The following CEP128 variants were observed in gnomAD, a reference collection of about 807,000 sequenced individuals.
The protein encoded by CEP128 is centrosomal protein 128.
In CEP128, 132 loss-of-function variants were observed where a neutral mutation model predicts 156.7. That is an observed-to-expected ratio of 0.84 (90% CI 0.73 to 0.97). CEP128 has a LOEUF of 0.97. CEP128 is among the 50% of genes least tolerant of loss of function. The pLI is 0.00. For missense variants in CEP128, 1,252 were observed against 1,281.9 expected (o/e 0.98, Z 0.36); for synonymous variants, 469 against 448.9 (o/e 1.04, Z -0.57).
At chr14:80,843,118 A>C (rs2140091605) in intron 9 of CEP128, among the ~76,000 whole-genome samples, 1 of 152,164 alleles carries the variant, frequency 6.6e-6, no homozygotes, top group East Asian at 1.9e-4. Flanking sequence ...CCTCTCACTT[A>C]ACCATAAAAA....
intron 19 of CEP128, among the ~76,000 whole-genome samples, chr14:80,666,722 G>C (rs1291736450): frequency 2.6e-5 from 2 of 78,096 alleles, no homozygotes; most frequent in Non-Finnish European, 2.4e-5. Context: ...AAAAGAGAGA[G>C]ACAAAAAAAA....
chr14:80,657,312 T>C (rs1263671721), intron 19 of CEP128, among the ~76,000 whole-genome samples: 1 of 151,062 alleles, frequency 6.6e-6, no homozygotes, highest in African/African-American at 2.4e-5. Flanking sequence ...AAGGAAGTAA[T>C]CTATTTTGGC....
intron 18 of CEP128, among the ~76,000 whole-genome samples, chr14:80,746,497 T>G (rs1899108081): frequency 6.6e-6 from 1 of 152,120 alleles, no homozygotes; most frequent in South Asian, 2.1e-4. Context: ...AAAAGAATAG[T>G]CTTACCAACA....
chr14:80,835,841 AAGAC>A (rs1427534936), intron 12 of CEP128, among the ~76,000 whole-genome samples: 37 of 152,310 alleles, frequency 2.4e-4, no homozygotes, highest in Admixed American at 2.2e-3. Context: ...GAGAATGTGA[AAGAC>A]AGAGCAACAT....
At chr14:80,785,965 A>C (rs2139812283) in intron 14 of CEP128, among the ~76,000 whole-genome samples, 1 of 152,272 alleles carries the variant, frequency 6.6e-6, no homozygotes, top group South Asian at 2.1e-4. Context: ...AAAAGGAGAA[A>C]CCCCAAAACA....
rs148463981 is a variant in CEP128 at position 80,783,389 on chromosome 14, G to A, written c.2211+1506C>T. Among the ~76,000 whole-genome samples, 8 of 152,204 alleles carry A rather than the reference G, an allele frequency of 5.3e-5. No individual in the cohort carries two copies. The East Asian group carries it at 5.8e-4, about 11-fold the overall frequency. ...CCTACCACTCTCCTGCTGTAAGACC[G>A]TGGGCAAATTACTTAACCTTCTGTG... On this transcript the variant is annotated intron_variant, in intron 15 of 24. Transcript: ENST00000555265.
At chr14:80,766,729 GT>G (rs1409486672) in intron 16 of CEP128, among the ~76,000 whole-genome samples, 6 of 152,076 alleles carry the variant, frequency 3.9e-5, no homozygotes, top group Admixed American at 3.9e-4. Context: ...GTAATTAATG[GT>G]TTTCCTTCAC....
At chr14:80,806,196 A>C (rs1433923314) in intron 13 of CEP128, among the ~76,000 whole-genome samples, 5 of 152,160 alleles carry the variant, frequency 3.3e-5, no homozygotes. Context: ...AGTGATTAAA[A>C]ATAGTTATTT....
In CEP128 at chr14:80,720,235, G is replaced by A. The variant is rs1037338147; in HGVS notation, c.2806+22840C>T. ...GTCAGAACATAATGCTCAAGTTGAA[G>A]GGGGAGAATGGGTGAAGCTGGAGAA... On this transcript the variant is annotated intron_variant, in intron 19 of 24. Coordinates refer to ENST00000555265, the MANE Select transcript of CEP128 (RefSeq NM_152446.5). Among the ~76,000 whole-genome samples the A allele has an allele frequency of 2.0e-5, 3 of 152,114 alleles. No individual in the cohort carries two copies. In the East Asian group the frequency reaches 5.8e-4, roughly 29 times the overall value.
chr14:80,635,455 A>G (rs1432835674), intron 19 of CEP128, among the ~76,000 whole-genome samples: 2 of 152,232 alleles, frequency 1.3e-5, no homozygotes, highest in East Asian at 1.9e-4. Flanking sequence ...TTCTAGTGTC[A>G]TCCCAGAACT....
At chr14:80,726,985 T>C (rs1368139446) in intron 19 of CEP128, among the ~76,000 whole-genome samples, 1 of 152,072 alleles carries the variant, frequency 6.6e-6, no homozygotes, top group Admixed American at 6.6e-5. Context: ...AAATTGTTAA[T>C]GAAAAATAAA....
At chr14:80,528,956 C>T (rs997034784) in intron 22 of CEP128, among the ~76,000 whole-genome samples, 1 of 152,156 alleles carries the variant, frequency 6.6e-6, no homozygotes, top group Non-Finnish European at 1.5e-5. Context: ...TTTTTATTAA[C>T]TTGATTAAAA....
At chr14:80,660,923 T>C (rs1895374681) in intron 19 of CEP128, among the ~76,000 whole-genome samples, 3 of 152,186 alleles carry the variant, frequency 2.0e-5, no homozygotes, top group African/African-American at 7.2e-5. Flanking sequence ...CTCAATAGCA[T>C]TAGCCGAGTC....
chr14:80,531,808 T>G (rs984850779), intron 21 of CEP128, among the ~76,000 whole-genome samples: 6 of 152,156 alleles, frequency 3.9e-5, no homozygotes, highest in African/African-American at 1.4e-4. Flanking sequence ...CCCTCAATAT[T>G]CCATGTGCTT....
chr14:80,871,759 G>C (rs1176735282), intron 8 of CEP128, among the ~76,000 whole-genome samples: 1 of 151,946 alleles, frequency 6.6e-6, no homozygotes, highest in Non-Finnish European at 1.5e-5. Context: ...CTAAGTTTAA[G>C]ACTAGAATAC....
intron 19 of CEP128, among the ~76,000 whole-genome samples, chr14:80,603,259 A>G (rs914234598): frequency 6.6e-6 from 1 of 152,186 alleles, no homozygotes; most frequent in African/African-American, 2.4e-5. Context: ...TTTCCATACT[A>G]TATTGTATCA....
At chr14:80,812,067 A>T (rs1166610707) in intron 13 of CEP128, among the ~76,000 whole-genome samples, 1 of 152,134 alleles carries the variant, frequency 6.6e-6, no homozygotes, top group Non-Finnish European at 1.5e-5. Flanking sequence ...TCCACCCTCC[A>T]GTAGGCCACA....
chr14:80,607,853 T>G (rs1892847472), intron 19 of CEP128, among the ~76,000 whole-genome samples: 1 of 152,162 alleles, frequency 6.6e-6, no homozygotes. Flanking sequence ...CTAAAGTCGA[T>G]TTCAGTTTTA....
chr14:80,666,344 A>G (rs1387499395), intron 19 of CEP128, among the ~76,000 whole-genome samples: 1 of 152,228 alleles, frequency 6.6e-6, no homozygotes, highest in Non-Finnish European at 1.5e-5. Context: ...TGGAGTTCTA[A>G]CACCAGAGAA....
Sources: gnomAD v4.1 joint callset for allele counts (sites outside exome capture counted in the v4.1 genomes callset) on GRCh38, gnomAD v4.1.1 for gene constraint, MANE v1.5 for transcripts, NCBI Gene and HGNC (gene_info 2026-07-23, HGNC 2026-07-21) for gene names.